The following LGALS4 variants were observed in gnomAD, a reference collection of about 807,000 sequenced individuals.
LGALS4 encodes the protein galectin-4.
In LGALS4, 37 loss-of-function variants were observed where a neutral mutation model predicts 39.6. The ratio of observed to expected loss-of-function variants is 0.93; its 90% CI spans 0.72 to 1.23. The LOEUF (loss-of-function observed/expected upper bound fraction) is 1.23. LGALS4 is among the 50% of genes most tolerant of loss of function. LGALS4 has a pLI of 0.00. For missense variants in LGALS4, 397 were observed against 433.2 expected (o/e 0.92, Z 0.74); for synonymous variants, 160 against 165.5 (o/e 0.97, Z 0.25).
At chr19:38,812,231 G>A (rs919374275) in intron 2 of LGALS4, among the ~76,000 whole-genome samples, 200 bp downstream of exon 2, 1 of 152,148 alleles carries the variant, frequency 6.6e-6, no homozygotes, top group African/African-American at 2.4e-5. Context: ...GCCTCTCACG[G>A]TGAGCCCTCC....
chr19:38,810,490 G>T (rs1263517623), intron 2 of LGALS4, among the ~76,000 whole-genome samples: 1 of 151,266 alleles, frequency 6.6e-6, no homozygotes, highest in East Asian at 2.0e-4. Context: ...AGCCTCCCGA[G>T]TAGCTGGGAC....
rs546715116 is a variant in LGALS4 at position 38,810,820 on chromosome 19, C to A, written c.134+1611G>T. Among the ~76,000 whole-genome samples the A allele has an allele frequency of 7.9e-5, 12 of 151,908 alleles. No individual in the cohort carries two copies. In the East Asian group the frequency reaches 1.2e-3, roughly 15 times the overall value. ...GGACAATTTAAAGGGAACCTCTGTC[C>A]GCACATACACTCCCCATCTCCCTTC... On this transcript the variant is annotated intron_variant, in intron 2 of 9. Transcript: ENST00000307751.
intron 4 of LGALS4, 52 bp from the exon 5 acceptor site, chr19:38,803,947 C>T: frequency 1.3e-6 from 2 of 1,568,988 alleles, no homozygotes; most frequent in Non-Finnish European, 1.7e-6. Flanking sequence ...AGATTTGCGA[C>T]TGAAAGATGT....
intron 3 of LGALS4, among the ~76,000 whole-genome samples, chr19:38,807,874 T>C (rs999888278): frequency 1.4e-4 from 21 of 152,160 alleles, no homozygotes; most frequent in Admixed American, 9.8e-4. Flanking sequence ...TTAAATGGAT[T>C]AAGGGCTGTG....
At position 38,812,308 on chromosome 19, in the gene LGALS4, G is replaced by A. The variant is rs73933061; in HGVS notation, c.134+123C>T. ...CAGATTCATCTCTGGCTATTGGGTG[G>A]GGCAGAAAAAGAGTCCCCTCTCCAC... On this transcript the variant is annotated intron_variant, in intron 2 of 9. Coordinates refer to ENST00000307751, the MANE Select transcript of LGALS4 (RefSeq NM_006149.4). The A allele has an allele frequency of 6.1e-3, 4,596 of 752,248 alleles. 140 individuals carry two copies. In the African/African-American group the frequency reaches 0.072, roughly 12 times the overall value. The allele number at this position is 752,248 out of a possible 1,614,324, so 46.6% of individuals were successfully genotyped here. A position where few individuals can be genotyped will look rare whatever the true frequency, so the allele number is the denominator to read the frequency against.
At position 38,812,499 on chromosome 19, in the gene LGALS4, G is replaced by A; in HGVS notation, c.66C>T (p.Pro22=). The A allele has an allele frequency of 6.2e-7, 1 of 1,614,170 alleles. No individual in the cohort carries two copies. Among genetic ancestry groups the A allele is most frequent in the Admixed American group, 1.7e-5 (1 of 60,018 alleles). The change falls in exon 2 of 10, where the codon CCC becomes CCT. Residue 22 remains proline, a synonymous_variant. Coordinates refer to ENST00000307751, the MANE Select transcript of LGALS4 (RefSeq NM_006149.4). ...TTCCCACGTTGAGCCCGCCCGGGAT[G>A]GGCTGGTAGTAAGGCAGCGTCTGGA... ...TYNPTLPYYQ[P]IPGGLNVGMS... is the part of the protein sequence containing the mutation.
At position 38,802,316 on chromosome 19, in the gene LGALS4, C is replaced by CT. The variant is rs754906531; in HGVS notation, c.658dup (p.Ser220LysfsTer19). Reference sequence around the variant, plus strand: ...GGTTCCCACCTAGTTTACGTTATACCTCTTGCCTGTGGGAGGCACATAGCC... The same window carrying CT: ...GGTTCCCACCTAGTTTACGTTATACCTTCTTGCCTGTGGGAGGCACATAGCC... On this transcript the variant is annotated frameshift_variant and splice_region_variant, in exon 8 of 10. Transcript: ENST00000307751. LOFTEE classifies it high-confidence loss of function. 5 of 1,613,676 alleles carry CT rather than the reference C, an allele frequency of 3.1e-6. No homozygotes were observed. The African/African-American group carries it at 6.7e-5, about 22-fold the overall frequency.
chr19:38,803,610 A>G (rs1246979499), intron 6 of LGALS4, 59 bp from the exon 7 acceptor site: 2 of 1,601,132 alleles, frequency 1.2e-6, no homozygotes, highest in Non-Finnish European at 1.7e-6. Context: ...TCTATGACAC[A>G]CCCATTAGAC....
At position 38,805,205 on chromosome 19, in the gene LGALS4, T is replaced by A. The variant is rs193088620; in HGVS notation, c.474+1256A>T. 2.6e-3 allele frequency among the ~76,000 whole-genome samples: 387 copies of A among 147,658 alleles called. 3 individuals are homozygous for A. Among genetic ancestry groups the A allele is most frequent in the African/African-American group, 8.9e-3 (361 of 40,570 alleles). ...ATAATAATAATAATAATAATAATAA[T>A]AATATTGATAAACTCAATTTAATTG... On this transcript the variant is annotated intron_variant, in intron 4 of 9. Transcript: ENST00000307751.
At chr19:38,811,191 G>A (rs1254163169) in intron 2 of LGALS4, among the ~76,000 whole-genome samples, 2 of 152,032 alleles carry the variant, frequency 1.3e-5, no homozygotes, top group African/African-American at 4.8e-5. Context: ...CTGAGCTACC[G>A]CGCCCGGCCT....
intron 9 of LGALS4, 23 bp from the exon 10 acceptor site, chr19:38,801,933 G>A (rs757855126): frequency 1.1e-5 from 17 of 1,614,010 alleles, no homozygotes; most frequent in Non-Finnish European, 1.2e-5. Flanking sequence ...GGGTGGGCAT[G>A]AGGCCAGGGC....
At position 38,801,985 on chromosome 19, in the gene LGALS4, G is replaced by A. The variant is rs1238700891; in HGVS notation, c.825+7C>T. ...GAAGGAAGTGGGAAAAGAGAGCTCA[G>A]ACTCACATCAAAGAACTGTCCGGGA... On this transcript the variant is annotated splice_region_variant and intron_variant, in intron 9 of 9. Coordinates refer to ENST00000307751, the MANE Select transcript of LGALS4 (RefSeq NM_006149.4). 2.5e-6 allele frequency: 4 copies of A among 1,614,152 alleles called. No individual in the cohort carries two copies. The highest frequency in any genetic ancestry group is 2.2e-5 in the East Asian group (1 of 44,886).
In LGALS4 at chr19:38,806,605, A is replaced by G; in HGVS notation, c.340-10T>C. The G allele has an allele frequency of 6.2e-7, 1 of 1,613,392 alleles. No individual in the cohort carries two copies. The highest frequency in any genetic ancestry group is 8.5e-7 in the Non-Finnish European group (1 of 1,179,732). Reference sequence around the variant, plus strand: ...TTCCATTTACCACCACCTGGAGGGCAGAGATGGGAGGTCAGGAGTCAGCAC... The same window carrying G: ...TTCCATTTACCACCACCTGGAGGGCGGAGATGGGAGGTCAGGAGTCAGCAC... On this transcript the variant is annotated splice_polypyrimidine_tract_variant and intron_variant, in intron 3 of 9. Coordinates refer to ENST00000307751, the MANE Select transcript of LGALS4 (RefSeq NM_006149.4).
At chr19:38,808,141 TAATAA>T (rs576091878) in intron 3 of LGALS4, among the ~76,000 whole-genome samples, 2,358 of 140,728 alleles carry the variant, frequency 0.017, 56 homozygotes, top group African/African-American at 0.059. Context: ...AATAAATAAA[TAATAA>T]AATAAAATAA....
At chr19:38,808,495 G>A (rs1255862958) in intron 3 of LGALS4, among the ~76,000 whole-genome samples, 6 of 152,018 alleles carry the variant, frequency 3.9e-5, no homozygotes, top group East Asian at 1.9e-4. Context: ...GTGGTGGCAC[G>A]CGCCTATAAT....
chr19:38,802,118 T>G lies in LGALS4; in HGVS notation c.699A>C (p.Ile233=), dbSNP rs1294708505. 6.2e-7 allele frequency: 1 copy of G among 1,614,114 alleles called. No homozygotes were observed. The highest frequency in any genetic ancestry group is 8.5e-7 in the Non-Finnish European group (1 of 1,179,996). ...INFKVGSSGD[I]ALHINPRMGN... is the part of the protein sequence containing the mutation. ...CCATGCGGGGATTAATGTGCAGAGC[T>G]ATGTCCCCTGAGGAGCCCACCTTGA... The change falls in exon 9 of 10, where the codon ATA becomes ATC. Residue 233 remains isoleucine, a synonymous_variant. Coordinates refer to ENST00000307751, the MANE Select transcript of LGALS4 (RefSeq NM_006149.4).
chr19:38,807,908 G>C (rs533021964), intron 3 of LGALS4, among the ~76,000 whole-genome samples: 1 of 152,092 alleles, frequency 6.6e-6, no homozygotes. Flanking sequence ...GTTAAACAGA[G>C]GCTTGAAGGC....
chr19:38,803,402 T>C, intron 7 of LGALS4, 120 bp downstream of exon 7: 1 of 999,498 alleles, frequency 1.0e-6, no homozygotes, highest in Non-Finnish European at 1.6e-6. Flanking sequence ...ACGAACTCTA[T>C]CTACCCTTCC....
At chr19:38,810,683 G>A (rs1348527697) in intron 2 of LGALS4, among the ~76,000 whole-genome samples, 4 of 151,328 alleles carry the variant, frequency 2.6e-5, no homozygotes. Flanking sequence ...TGCCATTTTG[G>A]CCAGGCTAGT....
Sources: allele counts gnomAD v4.1 joint callset (sites outside exome capture counted in the v4.1 genomes callset), GRCh38; gene constraint gnomAD v4.1.1; transcripts MANE v1.5; gene names NCBI Gene and HGNC (gene_info 2026-07-23, HGNC 2026-07-21).